The following GALNT13 variants were observed in gnomAD, a reference collection of about 807,000 sequenced individuals.
The protein encoded by GALNT13 is polypeptide N-acetylgalactosaminyltransferase 13, also known as UDP-GalNAc:polypeptide N-acetylgalactosaminyltransferase 13.
A neutral mutation model predicts 64.2 loss-of-function variants in GALNT13; 28 were observed. The observed-to-expected ratio is 0.44, with a 90% CI of 0.32 to 0.60. GALNT13 has a LOEUF of 0.60. GALNT13 is among the 20% of genes least tolerant of loss of function. The pLI is 0.05. For missense variants in GALNT13, 577 were observed against 669.8 expected (o/e 0.86, Z 1.53); for synonymous variants, 214 against 224.6 (o/e 0.95, Z 0.42).
intron 3 of GALNT13, among the ~76,000 whole-genome samples, chr2:154,118,200 T>C (rs1681712408): frequency 6.6e-6 from 1 of 152,088 alleles, no homozygotes; most frequent in South Asian, 2.1e-4. Flanking sequence ...TTTCCAATTT[T>C]GGGTGCGGTG....
the GALNT13 span, among the ~76,000 whole-genome samples, chr2:153,697,135 G>C: frequency 6.6e-6 from 1 of 152,128 alleles, no homozygotes. Flanking sequence ...TAGTGCAGTT[G>C]CAGCAATTTC....
chr2:153,284,669 G>C, the GALNT13 span, among the ~76,000 whole-genome samples: 1 of 152,110 alleles, frequency 6.6e-6, no homozygotes, highest in African/African-American at 2.4e-5. Flanking sequence ...GAGACTCTCT[G>C]CCTCTCTCAT....
At chr2:153,212,308 A>G in the GALNT13 span, among the ~76,000 whole-genome samples, 2 of 152,122 alleles carry the variant, frequency 1.3e-5, no homozygotes, top group Admixed American at 1.3e-4. Context: ...CAGCTTCGTG[A>G]TTTTATTTCT....
intron 3 of GALNT13, among the ~76,000 whole-genome samples, chr2:154,013,867 G>T (rs1696814976): frequency 6.6e-6 from 1 of 152,178 alleles, no homozygotes; most frequent in Admixed American, 6.5e-5. Flanking sequence ...GCAGTGAGAA[G>T]AGGCTGTGGG....
chr2:153,287,856 ACTGT>A, the GALNT13 span, among the ~76,000 whole-genome samples: 4 of 152,280 alleles, frequency 2.6e-5, no homozygotes, highest in Non-Finnish European at 4.4e-5. Flanking sequence ...TGAAAACACA[ACTGT>A]CTGTCCTCAC....
At chr2:153,833,125 G>A in the GALNT13 span, among the ~76,000 whole-genome samples, 10 of 152,206 alleles carry the variant, frequency 6.6e-5, no homozygotes, top group Admixed American at 6.5e-4. Context: ...GCATCTCCAT[G>A]CTGACTATGC....
the GALNT13 span, among the ~76,000 whole-genome samples, chr2:153,069,053 G>A: frequency 2.6e-5 from 4 of 152,146 alleles, no homozygotes; most frequent in African/African-American, 9.7e-5. Context: ...ATTCAGCAGG[G>A]AATACTTAGA....
intron 3 of GALNT13, among the ~76,000 whole-genome samples, chr2:154,127,709 C>CGT (rs1553481965): frequency 1.6e-5 from 2 of 125,910 alleles, no homozygotes; most frequent in Non-Finnish European, 3.5e-5. Context: ...CACACACACA[C>CGT]GTGTGTGTGT....
At chr2:153,593,980 A>C in the GALNT13 span, among the ~76,000 whole-genome samples, 2 of 152,274 alleles carry the variant, frequency 1.3e-5, no homozygotes, top group Non-Finnish European at 2.9e-5. Flanking sequence ...TCTGACCCAC[A>C]TTGACAATAT....
intron 3 of GALNT13, among the ~76,000 whole-genome samples, chr2:154,002,583 C>T (rs1046641484): frequency 6.6e-6 from 1 of 151,854 alleles, no homozygotes; most frequent in Admixed American, 6.6e-5. Flanking sequence ...TTGTGATTCT[C>T]TGCATTTCTT....
chr2:154,042,891 G>A (rs1348581330), intron 3 of GALNT13, among the ~76,000 whole-genome samples: 1 of 151,888 alleles, frequency 6.6e-6, no homozygotes, highest in Non-Finnish European at 1.5e-5. Flanking sequence ...TCTTAGTCTG[G>A]CGGGAAGGCA....
chr2:154,446,577 C>A (rs1349965113), intron 12 of GALNT13: 10 of 1,542,514 alleles, frequency 6.5e-6, no homozygotes, highest in Non-Finnish European at 7.9e-6. Flanking sequence ...GACCCACACT[C>A]TTCTTCATAT....
chr2:153,922,140 G>C lies in GALNT13; in HGVS notation c.-105+21133G>C, dbSNP rs111900406. On this transcript the variant is annotated intron_variant, in intron 2 of 12. Transcript: ENST00000392825. ...TAAAATGTTGATTGCTATTCTGCTG[G>C]AGTAGAGCTGAATGGATGTGGGAAA... 2.7e-3 allele frequency among the ~76,000 whole-genome samples: 408 copies of C among 152,206 alleles called. 1 individual carries two copies. Among genetic ancestry groups the C allele is most frequent in the African/African-American group, 9.3e-3 (387 of 41,564 alleles).
At chr2:153,214,359 C>A in the GALNT13 span, among the ~76,000 whole-genome samples, 3 of 152,138 alleles carry the variant, frequency 2.0e-5, no homozygotes, top group Non-Finnish European at 2.9e-5. Flanking sequence ...TGTATAGAAG[C>A]ACTTTATGAT....
At chr2:153,148,680 T>C in the GALNT13 span, among the ~76,000 whole-genome samples, 1 of 151,930 alleles carries the variant, frequency 6.6e-6, no homozygotes, top group African/African-American at 2.4e-5. Context: ...TTAGATTCCA[T>C]TGCTTGTTAA....
the GALNT13 span, among the ~76,000 whole-genome samples, chr2:153,239,076 G>C: frequency 2.0e-5 from 3 of 151,752 alleles, no homozygotes; most frequent in Non-Finnish European, 2.9e-5. Context: ...TTATTCCTAG[G>C]TATTTTATTT....
At chr2:154,331,543 T>G (rs548744642) in intron 9 of GALNT13, among the ~76,000 whole-genome samples, 1 of 152,024 alleles carries the variant, frequency 6.6e-6, no homozygotes, top group African/African-American at 2.4e-5. Flanking sequence ...TAGCCACAAG[T>G]TCTACCTTAG....
At chr2:153,557,011 T>C in the GALNT13 span, among the ~76,000 whole-genome samples, 1 of 152,184 alleles carries the variant, frequency 6.6e-6, no homozygotes, top group Non-Finnish European at 1.5e-5. Flanking sequence ...TTACTTTGAA[T>C]GTTCCCCATC....
the GALNT13 span, among the ~76,000 whole-genome samples, chr2:153,279,801 A>T: frequency 3.2e-4 from 49 of 151,960 alleles, no homozygotes; most frequent in Middle Eastern, 3.2e-3. Flanking sequence ...GTTCATCCAG[A>T]ATATTAGCCT....
Sources: allele counts gnomAD v4.1 joint callset (sites outside exome capture counted in the v4.1 genomes callset), GRCh38; gene constraint gnomAD v4.1.1; transcripts MANE v1.5; gene names NCBI Gene and HGNC (gene_info 2026-07-23, HGNC 2026-07-21).